The following JARID2 variants were observed in gnomAD, a reference collection of about 807,000 sequenced individuals.
JARID2 encodes the protein jumonji and AT-rich interaction domain containing 2, also known as protein Jumonji.
JARID2 carries 21 observed loss-of-function variants against 125.6 expected under a neutral mutation model. The ratio of observed to expected loss-of-function variants is 0.17; its 90% CI spans 0.12 to 0.24. The LOEUF (loss-of-function observed/expected upper bound fraction) is 0.24, where lower values mean the gene tolerates loss of function less well. JARID2 is among the 10% of genes least tolerant of loss of function. The pLI is 1.00. For missense variants in JARID2, 1,303 were observed against 1,639.6 expected (o/e 0.79, Z 3.55); for synonymous variants, 736 against 661.6 (o/e 1.11, Z -1.73).
intron 1 of JARID2, among the ~76,000 whole-genome samples, chr6:15,343,948 A>G (rs1354080035): frequency 6.6e-6 from 1 of 152,192 alleles, no homozygotes; most frequent in Non-Finnish European, 1.5e-5. Context: ...AAATAGCTCC[A>G]GACTATTAAG....
chr6:15,364,337 A>T (rs140556717), intron 1 of JARID2, among the ~76,000 whole-genome samples: 24 of 152,282 alleles, frequency 1.6e-4, no homozygotes, highest in African/African-American at 5.8e-4. Flanking sequence ...GTACTTGGAG[A>T]CTGGCTGGTG....
intron 3 of JARID2, among the ~76,000 whole-genome samples, chr6:15,430,588 A>G (rs1766927418): frequency 6.6e-6 from 1 of 152,198 alleles, no homozygotes; most frequent in Non-Finnish European, 1.5e-5. Flanking sequence ...GTTTTCTAAT[A>G]TGATTTAAAA....
At chr6:15,500,867 T>G in intron 7 of JARID2, 40 bp from the exon 8 acceptor site, 1 of 1,549,336 alleles carries the variant, frequency 6.5e-7, no homozygotes, top group Non-Finnish European at 8.7e-7. Context: ...TCGTGTCTCT[T>G]TCACTAACTG....
chr6:15,352,584 C>G (rs929641391), intron 1 of JARID2, among the ~76,000 whole-genome samples: 2 of 152,166 alleles, frequency 1.3e-5, no homozygotes, highest in African/African-American at 4.8e-5. Flanking sequence ...TTTTCCTGTG[C>G]TTCAGTCCTT....
chr6:15,327,836 T>C (rs992224165), intron 1 of JARID2, among the ~76,000 whole-genome samples: 14 of 152,234 alleles, frequency 9.2e-5, no homozygotes, highest in African/African-American at 3.1e-4. Flanking sequence ...ATTCTTGTCC[T>C]TCAAGGCTCA....
At chr6:15,336,952 G>A (rs1424191094) in intron 1 of JARID2, among the ~76,000 whole-genome samples, 2 of 152,132 alleles carry the variant, frequency 1.3e-5, no homozygotes, top group Middle Eastern at 3.2e-3. Flanking sequence ...AGTATTCAGA[G>A]TGTAGTTCAG....
intron 1 of JARID2, among the ~76,000 whole-genome samples, chr6:15,360,396 G>A (rs1447334663): frequency 1.3e-5 from 2 of 152,022 alleles, no homozygotes; most frequent in East Asian, 3.9e-4. Flanking sequence ...TGTTGGCCTG[G>A]CTGGTCTTCA....
At chr6:15,273,342 A>G (rs559861337) in intron 1 of JARID2, among the ~76,000 whole-genome samples, 2 of 152,282 alleles carry the variant, frequency 1.3e-5, no homozygotes, top group African/African-American at 4.8e-5. Context: ...TCCCTGCTAT[A>G]TTTTCTTCCT....
intron 7 of JARID2, among the ~76,000 whole-genome samples, chr6:15,497,572 A>AC (rs1423145828): frequency 6.7e-6 from 1 of 150,230 alleles, no homozygotes; most frequent in African/African-American, 2.5e-5. Context: ...AATGGCGTGA[A>AC]CCCAGGAGGC....
intron 3 of JARID2, among the ~76,000 whole-genome samples, chr6:15,415,814 C>CG (rs1164974313): frequency 8.8e-6 from 1 of 113,234 alleles, no homozygotes; most frequent in Non-Finnish European, 1.9e-5. Flanking sequence ...GCTGGCCGGG[C>CG]GGGGGGCTGA....
chr6:15,285,791 TA>T (rs1760976305), intron 1 of JARID2, among the ~76,000 whole-genome samples: 1 of 152,174 alleles, frequency 6.6e-6, no homozygotes, highest in Non-Finnish European at 1.5e-5. Context: ...TGCATCCTTT[TA>T]AAAAAATTCA....
At chr6:15,348,513 CAG>C (rs1031349744) in intron 1 of JARID2, among the ~76,000 whole-genome samples, 10 of 152,148 alleles carry the variant, frequency 6.6e-5, no homozygotes, top group African/African-American at 4.8e-5. Context: ...GGGACTGGTT[CAG>C]AGTCTTCATA....
At chr6:15,368,258 TTAAAA>T (rs1764045612) in intron 1 of JARID2, among the ~76,000 whole-genome samples, 1 of 152,220 alleles carries the variant, frequency 6.6e-6, no homozygotes, top group African/African-American at 2.4e-5. Context: ...TTTTTTGTCT[TTAAAA>T]TGAGTAGAGG....
chr6:15,420,015 T>G (rs1561850921), intron 3 of JARID2, among the ~76,000 whole-genome samples: 1 of 152,198 alleles, frequency 6.6e-6, no homozygotes, highest in Non-Finnish European at 1.5e-5. Flanking sequence ...AGCTCATGTG[T>G]TTTGTTCCTT....
At chr6:15,378,309 A>C (rs553884086) in intron 2 of JARID2, among the ~76,000 whole-genome samples, 1 of 150,998 alleles carries the variant, frequency 6.6e-6, no homozygotes, top group African/African-American at 2.4e-5. Context: ...GTCTGGTGGT[A>C]GAGTTGTAAG....
At chr6:15,459,457 T>TG (rs35799325) in intron 4 of JARID2, among the ~76,000 whole-genome samples, 34,679 of 152,204 alleles carry the variant, frequency 0.23, 4,419 homozygotes, top group East Asian at 0.39. Context: ...TCAGTAGAGA[T>TG]GCAACCGTCC....
At chr6:15,288,152 G>A (rs1267880667) in intron 1 of JARID2, among the ~76,000 whole-genome samples, 1 of 152,124 alleles carries the variant, frequency 6.6e-6, no homozygotes, top group African/African-American at 2.4e-5. Flanking sequence ...CTCAGATTGG[G>A]TAATTTATAA....
rs7341234 is a variant in JARID2 at position 15,347,011 on chromosome 6, G to A, written c.46-27106G>A. ...AGCCTCCCAAAGTGCCGGGATTACA[G>A]GTGTGAGCCACCATTCCCTGGCAGT... On this transcript the variant is annotated intron_variant, in intron 1 of 17. Coordinates refer to ENST00000341776, the MANE Select transcript of JARID2 (RefSeq NM_004973.4). Among the ~76,000 whole-genome samples the A allele has an allele frequency of 9.3e-3, 1,408 of 152,210 alleles. 30 individuals are homozygous for A. The highest frequency in any genetic ancestry group is 0.031 in the African/African-American group (1,292 of 41,522).
chr6:15,449,016 A>T (rs912169527), intron 3 of JARID2, among the ~76,000 whole-genome samples: 9 of 152,152 alleles, frequency 5.9e-5, no homozygotes, highest in Middle Eastern at 3.4e-3. Flanking sequence ...TAAAAGGGGA[A>T]AAACAACCAA....
Sources: gnomAD v4.1 joint callset for allele counts (sites outside exome capture counted in the v4.1 genomes callset) on GRCh38, gnomAD v4.1.1 for gene constraint, MANE v1.5 for transcripts, NCBI Gene and HGNC (gene_info 2026-07-23, HGNC 2026-07-21) for gene names.